Variants in TBXAS1 observed in about 807,000 individuals in gnomAD.
TBXAS1 encodes thromboxane A synthase 1.
Under a neutral mutation model 60.7 loss-of-function variants are expected in TBXAS1, and 48 were observed. The observed-to-expected ratio is 0.79, with a 90% CI of 0.63 to 1.01. The LOEUF (loss-of-function observed/expected upper bound fraction) is 1.01, where lower values mean the gene tolerates loss of function less well. Ranked by LOEUF, TBXAS1 falls within the 50% of genes least tolerant of loss-of-function variation. The pLI is 0.00. For synonymous variants in TBXAS1, 287 were observed against 269.7 expected, an observed-to-expected ratio of 1.06 and a Z score of -0.63; for missense variants, 685 against 686.3, an observed-to-expected ratio of 1.00 and a Z score of 0.02.
intron 10 of TBXAS1, among the ~76,000 whole-genome samples, chr7:140,009,492 G>T (rs937400918): frequency 1.2e-4 from 18 of 152,074 alleles, no homozygotes; most frequent in Non-Finnish European, 1.2e-4. Context: ...AGGAGCGCCG[G>T]CACTGGTCGG....
chr7:140,012,854 G>A (rs182713989), intron 10 of TBXAS1, among the ~76,000 whole-genome samples: 96 of 152,248 alleles, frequency 6.3e-4, no homozygotes, highest in African/African-American at 1.9e-3. Context: ...TCTCCACCTC[G>A]AATTTTGTTT....
At chr7:139,920,840 T>C (rs1304662345) in intron 4 of TBXAS1, among the ~76,000 whole-genome samples, 3 of 152,216 alleles carry the variant, frequency 2.0e-5, no homozygotes, top group African/African-American at 7.2e-5. Context: ...ATGAGTGCAG[T>C]AGGACAGACC....
intron 10 of TBXAS1, among the ~76,000 whole-genome samples, chr7:140,012,832 C>T (rs1036846981): frequency 2.0e-5 from 3 of 152,114 alleles, no homozygotes; most frequent in Non-Finnish European, 4.4e-5. Flanking sequence ...AGGAAGAGAG[C>T]GGTTCTTCAC....
chr7:139,857,255 T>C (rs1164678509), intron 1 of TBXAS1, among the ~76,000 whole-genome samples: 1 of 152,246 alleles, frequency 6.6e-6, no homozygotes, highest in Admixed American at 6.5e-5. Context: ...AAGGACCAGA[T>C]ACAAGAGGCT....
chr7:139,901,111 G>A (rs182614681), intron 3 of TBXAS1, among the ~76,000 whole-genome samples: 1 of 152,316 alleles, frequency 6.6e-6, no homozygotes, highest in Admixed American at 6.5e-5. Context: ...AGCTATGTGT[G>A]CCTAGGACAC....
Position 140,004,503 on chromosome 7 carries a change from G to A in TBXAS1, c.1135-2588G>A, listed in dbSNP as rs898012678. On this transcript the variant is annotated intron_variant, in intron 9 of 12. Coordinates refer to ENST00000448866, the MANE Select transcript of TBXAS1 (RefSeq NM_001061.7). The surrounding 1 kb of genome is among the most constrained non-coding windows in gnomAD (Gnocchi z 5.1). Reference sequence around the variant, plus strand: ...ATTACACAATTGGTGTTTGTGACTTGTTGGCCAGAAGAGACAAACACAAAC... The same window carrying A: ...ATTACACAATTGGTGTTTGTGACTTATTGGCCAGAAGAGACAAACACAAAC... Among the ~76,000 whole-genome samples, 3 of 152,182 alleles carry A rather than the reference G, an allele frequency of 2.0e-5. No individual in the cohort carries two copies. Among genetic ancestry groups the A allele is most frequent in the African/African-American group, 7.2e-5 (3 of 41,444 alleles).
At chr7:139,807,999 A>G (rs1011171632) in intron 4 of TBXAS1, among the ~76,000 whole-genome samples, 8 of 152,184 alleles carry the variant, frequency 5.3e-5, no homozygotes, top group Admixed American at 1.3e-4. Context: ...AATAGCCACC[A>G]TTAGACAGTA....
chr7:139,873,759 C>T (rs1802002880), intron 2 of TBXAS1, among the ~76,000 whole-genome samples: 1 of 152,052 alleles, frequency 6.6e-6, no homozygotes, highest in African/African-American at 2.4e-5. Flanking sequence ...GTTATTTTTT[C>T]TCACATTGGG....
intron 9 of TBXAS1, among the ~76,000 whole-genome samples, chr7:139,993,821 C>A (rs1813096789): frequency 6.6e-6 from 1 of 152,046 alleles, no homozygotes; most frequent in Non-Finnish European, 1.5e-5. Context: ...GGCTGTGGTT[C>A]CTCATCCATC....
intron 1 of TBXAS1, among the ~76,000 whole-genome samples, chr7:139,849,121 G>T (rs1011692029): frequency 3.9e-5 from 6 of 152,050 alleles, no homozygotes; most frequent in African/African-American, 1.4e-4. Flanking sequence ...TAATTCTTTT[G>T]GGAGGCTCAC....
chr7:139,947,433 C>T (rs1808817133), intron 5 of TBXAS1, among the ~76,000 whole-genome samples: 1 of 152,096 alleles, frequency 6.6e-6, no homozygotes, highest in South Asian at 2.1e-4. Context: ...GGAGGAAGAG[C>T]ATCAGGATAA....
chr7:139,891,623 C>A (rs1803629366), intron 3 of TBXAS1, among the ~76,000 whole-genome samples: 1 of 152,182 alleles, frequency 6.6e-6, no homozygotes, highest in Non-Finnish European at 1.5e-5. Context: ...TGTTGGTTGA[C>A]CTGCTTTCCT....
Position 139,975,623 on chromosome 7 carries a change from G to A in TBXAS1, c.1134+13390G>A, listed in dbSNP as rs779408802. On this transcript the variant is annotated intron_variant, in intron 9 of 12. Coordinates refer to ENST00000448866, the MANE Select transcript of TBXAS1 (RefSeq NM_001061.7). The surrounding 1 kb of genome is among the most constrained non-coding windows in gnomAD (Gnocchi z 4.4). ...AGGAGGACAGGGCAGCCCTGTCCTC[G>A]CCACAGTGCCCGCATCTTCATTGGT... Among the ~76,000 whole-genome samples the A allele has an allele frequency of 6.6e-6, 1 of 152,114 alleles. No homozygotes were observed. Among genetic ancestry groups the A allele is most frequent in the Admixed American group, 6.5e-5 (1 of 15,278 alleles).
chr7:139,986,613 TG>T (rs1171547348), intron 9 of TBXAS1, among the ~76,000 whole-genome samples: 7 of 151,710 alleles, frequency 4.6e-5, no homozygotes, highest in African/African-American at 1.7e-4. Flanking sequence ...ATACCATGTT[TG>T]GTTTTCCATT....
chr7:139,837,673 G>T (rs997554775), intron 1 of TBXAS1, among the ~76,000 whole-genome samples: 2 of 152,116 alleles, frequency 1.3e-5, no homozygotes, highest in African/African-American at 4.8e-5. Flanking sequence ...AAGTATGAGA[G>T]GTAGGCAAGG....
At chr7:139,954,483 C>T (rs1335375313) in intron 6 of TBXAS1, among the ~76,000 whole-genome samples, 2 of 152,146 alleles carry the variant, frequency 1.3e-5, no homozygotes, top group African/African-American at 2.4e-5. Flanking sequence ...GAAACGTTTT[C>T]AATAAAAGCA....
chr7:139,990,645 G>C (rs10229416), intron 9 of TBXAS1, among the ~76,000 whole-genome samples: 17 of 151,882 alleles, frequency 1.1e-4, no homozygotes, highest in Non-Finnish European at 1.5e-4. Flanking sequence ...GCCCCCTCTC[G>C]GGGCCGCTCT....
upstream of TBXAS1, among the ~76,000 whole-genome samples, chr7:139,827,756 A>G (rs918664466): frequency 3.3e-5 from 5 of 152,320 alleles, no homozygotes; most frequent in African/African-American, 9.6e-5. Flanking sequence ...GTTTCACTGG[A>G]TACAAAATTC....
intron 3 of TBXAS1, among the ~76,000 whole-genome samples, chr7:139,893,752 A>G (rs1803849189): frequency 6.6e-6 from 1 of 152,216 alleles, no homozygotes; most frequent in South Asian, 2.1e-4. Context: ...AGATATACAT[A>G]TATACCCATG....
Sources: gnomAD v4.1 joint callset for allele counts (sites outside exome capture counted in the v4.1 genomes callset) on GRCh38, gnomAD v4.1.1 for gene constraint, Gnocchi (gnomAD v3.1) non-coding constraint, MANE v1.5 for transcripts, NCBI Gene and HGNC (gene_info 2026-07-23, HGNC 2026-07-21) for gene names.